The following ENOX1 variants were observed in gnomAD, a reference collection of about 807,000 sequenced individuals.
The protein encoded by ENOX1 is candidate growth-related and time keeping constitutive hydroquinone (NADH) oxidase.
A neutral mutation model predicts 82.5 loss-of-function variants in ENOX1; 42 were observed. The observed-to-expected ratio is 0.51, with a 90% confidence interval of 0.40 to 0.66. ENOX1 has a LOEUF of 0.66. ENOX1 is among the 30% of genes least tolerant of loss of function. The pLI, the probability that ENOX1 is intolerant of heterozygous loss-of-function variation, is 0.00. For synonymous variants in ENOX1, 271 were observed against 282.2 expected (o/e 0.96, Z 0.40); for missense variants, 608 against 811.6 (o/e 0.75, Z 3.05).
At chr13:43,579,068 C>T (rs955135192) in intron 2 of ENOX1, among the ~76,000 whole-genome samples, 4 of 151,588 alleles carry the variant, frequency 2.6e-5, no homozygotes, top group Admixed American at 6.6e-5. Flanking sequence ...GACTTAGTCT[C>T]ATCATTAAAA....
chr13:43,659,551 T>G (rs1054132039), intron 2 of ENOX1, among the ~76,000 whole-genome samples: 2 of 152,194 alleles, frequency 1.3e-5, no homozygotes, highest in Admixed American at 6.5e-5. Context: ...TTTTTTTGTT[T>G]GCATGCTTTA....
chr13:43,266,397 G>C (rs754028308), intron 13 of ENOX1, among the ~76,000 whole-genome samples: 1 of 152,068 alleles, frequency 6.6e-6, no homozygotes, highest in Non-Finnish European at 1.5e-5. Context: ...TAAAATGAAA[G>C]CTTCTTTAGT....
intron 3 of ENOX1, among the ~76,000 whole-genome samples, chr13:43,476,152 G>A (rs990177191): frequency 2.6e-5 from 4 of 152,040 alleles, no homozygotes; most frequent in East Asian, 1.9e-4. Context: ...TACTGTAATC[G>A]CTACAAATAT....
At chr13:43,380,889 AG>A (rs1475000530) in intron 5 of ENOX1, among the ~76,000 whole-genome samples, 1 of 151,836 alleles carries the variant, frequency 6.6e-6, no homozygotes, top group Non-Finnish European at 1.5e-5. Flanking sequence ...ACTGAATAAC[AG>A]AACTTCAACA....
intron 2 of ENOX1, among the ~76,000 whole-genome samples, chr13:43,508,195 T>A (rs971538223): frequency 2.6e-5 from 4 of 152,044 alleles, no homozygotes; most frequent in African/African-American, 9.7e-5. Flanking sequence ...TCCATCCTCA[T>A]GAATGGATCA....
chr13:43,563,392 T>G (rs2079773597), intron 2 of ENOX1, among the ~76,000 whole-genome samples: 2 of 151,672 alleles, frequency 1.3e-5, no homozygotes, highest in Non-Finnish European at 2.9e-5. Flanking sequence ...GAGAAAACAG[T>G]TAGAAAAGGG....
intron 2 of ENOX1, among the ~76,000 whole-genome samples, chr13:43,564,886 T>C (rs2079850407): frequency 6.6e-6 from 1 of 152,118 alleles, no homozygotes; most frequent in Non-Finnish European, 1.5e-5. Context: ...TGTACTATCA[T>C]CAGTCCCATT....
At chr13:43,556,441 A>G (rs2079439601) in intron 2 of ENOX1, among the ~76,000 whole-genome samples, 1 of 152,178 alleles carries the variant, frequency 6.6e-6, no homozygotes, top group South Asian at 2.1e-4. Flanking sequence ...TGTTTAATTA[A>G]AAATAGGTTT....
intron 1 of ENOX1, among the ~76,000 whole-genome samples, chr13:43,770,336 T>C (rs1304668171): frequency 1.3e-5 from 2 of 152,146 alleles, no homozygotes; most frequent in African/African-American, 4.8e-5. Context: ...CTCTGGAAAG[T>C]TAATGTGCTC....
chr13:43,321,808 C>T (rs1233361638), intron 11 of ENOX1, among the ~76,000 whole-genome samples: 1 of 152,208 alleles, frequency 6.6e-6, no homozygotes, highest in Non-Finnish European at 1.5e-5. Context: ...ATATATAATT[C>T]AATGAGAGCG....
intron 1 of ENOX1, among the ~76,000 whole-genome samples, chr13:43,749,260 C>T (rs1950184942): frequency 6.6e-6 from 1 of 152,100 alleles, no homozygotes; most frequent in Admixed American, 6.5e-5. Flanking sequence ...TCAATAAGAA[C>T]AAGGCAGGGA....
intron 1 of ENOX1, among the ~76,000 whole-genome samples, chr13:43,722,300 G>A (rs1020799494): frequency 6.6e-6 from 1 of 152,194 alleles, no homozygotes; most frequent in Admixed American, 6.5e-5. Context: ...AGGGCCTTAG[G>A]CAACAGAGAG....
intron 2 of ENOX1, among the ~76,000 whole-genome samples, chr13:43,596,654 T>C (rs780007576): frequency 5.3e-5 from 8 of 152,250 alleles, no homozygotes; most frequent in African/African-American, 1.9e-4. Context: ...CTAAAGAGCA[T>C]AGAATATGGG....
intron 14 of ENOX1, 27 bp from the exon 15 acceptor site, chr13:43,236,765 A>T: frequency 7.2e-7 from 1 of 1,396,100 alleles, no homozygotes; most frequent in East Asian, 2.4e-5. Context: ...CAAAAACCAT[A>T]TATGGGTTTA....
At chr13:43,354,412 G>A (rs2050010273) in intron 8 of ENOX1, among the ~76,000 whole-genome samples, 2 of 151,714 alleles carry the variant, frequency 1.3e-5, no homozygotes, top group South Asian at 4.2e-4. Flanking sequence ...GTTGATTAAG[G>A]ATTCTCAAGC....
intron 3 of ENOX1, among the ~76,000 whole-genome samples, chr13:43,432,926 T>C (rs1383179166): frequency 6.6e-6 from 1 of 152,080 alleles, no homozygotes; most frequent in Admixed American, 6.6e-5. Context: ...AGCAATTAAT[T>C]GTCAATAAAA....
intron 2 of ENOX1, among the ~76,000 whole-genome samples, chr13:43,613,934 AAAAAAAAT>A (rs906420127): frequency 1.3e-5 from 2 of 149,056 alleles, no homozygotes; most frequent in African/African-American, 5.0e-5. Context: ...ACTCTCTCAA[AAAAAAAAT>A]AAATAAATAA....
chr13:43,759,452 T>G (rs1950840669), intron 1 of ENOX1, among the ~76,000 whole-genome samples: 1 of 151,908 alleles, frequency 6.6e-6, no homozygotes, highest in South Asian at 2.1e-4. Context: ...ATCCAAAGAG[T>G]CATAGAACCT....
chr13:43,597,004 C>T (rs1359043051), intron 2 of ENOX1, among the ~76,000 whole-genome samples: 1 of 152,188 alleles, frequency 6.6e-6, no homozygotes, highest in Non-Finnish European at 1.5e-5. Flanking sequence ...CACAGTTCCA[C>T]ACGCTTAACA....
Sources: allele counts gnomAD v4.1 joint callset (sites outside exome capture counted in the v4.1 genomes callset), GRCh38; gene constraint gnomAD v4.1.1; transcripts MANE v1.5; gene names NCBI Gene and HGNC (gene_info 2026-07-23, HGNC 2026-07-21).